Variants in ZMYM6 observed in about 807,000 individuals in gnomAD.
The protein encoded by ZMYM6 is zinc finger MYM-type protein 6.
A neutral mutation model predicts 134.0 loss-of-function variants in ZMYM6; 90 were observed. The observed-to-expected ratio is 0.67, with a 90% CI of 0.57 to 0.80. ZMYM6 has a LOEUF of 0.80. ZMYM6 is among the 30% of genes least tolerant of loss of function. The probability of loss-of-function intolerance (pLI) is 0.00; values close to 1 mark genes in which losing one functional copy is unlikely to be tolerated. For missense variants in ZMYM6, 1,362 were observed against 1,533.9 expected (o/e 0.89, Z 1.87); for synonymous variants, 481 against 524.1 (o/e 0.92, Z 1.12).
intron 10 of ZMYM6, 38 bp downstream of exon 10, chr1:35,010,406 TAAC>T (rs1641064528): frequency 6.3e-7 from 1 of 1,575,960 alleles, no homozygotes; most frequent in African/African-American, 1.4e-5. Context: ...TCATGAATTA[TAAC>T]AACCCATGCT....
intron 10 of ZMYM6, among the ~76,000 whole-genome samples, chr1:35,010,059 C>G (rs9330253): frequency 0.21 from 32,287 of 151,944 alleles, 8,137 homozygotes; most frequent in African/African-American, 0.6. Context: ...GCCCAGGCTG[C>G]AGTGCAATGG....
intron 3 of ZMYM6, among the ~76,000 whole-genome samples, chr1:35,019,941 A>G (rs2148458453): frequency 6.6e-6 from 1 of 152,256 alleles, no homozygotes; most frequent in East Asian, 1.9e-4. Flanking sequence ...AGTTGCTGAG[A>G]TTACAGGTGT....
Position 34,988,560 on chromosome 1 carries a change from G to A in ZMYM6, c.2522C>T (p.Ala841Val), listed in dbSNP as rs1384063666. 4 of 1,551,100 alleles carry A rather than the reference G, an allele frequency of 2.6e-6. No homozygotes were observed. In the African/African-American group the frequency reaches 4.1e-5, roughly 16 times the overall value. Reference sequence around the variant, plus strand: ...AGCAATGGAGAATGGCTTCTTGCTTGCAGCAGTTTGGAAAGCAATTAAATA... The same window carrying A: ...AGCAATGGAGAATGGCTTCTTGCTTACAGCAGTTTGGAAAGCAATTAAATA... The part of the protein sequence containing the change: ...ASYLIAFQTA[A>V]SKKPFSIAEE... The change falls in exon 16 of 16, where the codon GCA becomes GTA. Residue 841 changes from alanine (A) to valine (V), a missense_variant. Coordinates refer to ENST00000357182, the MANE Select transcript of ZMYM6 (RefSeq NM_007167.4).
intron 4 of ZMYM6, among the ~76,000 whole-genome samples, chr1:35,017,066 C>T (rs1368587280): frequency 1.3e-5 from 2 of 151,642 alleles, no homozygotes; most frequent in African/African-American, 4.8e-5. Context: ...TGCCACTTTA[C>T]AGATGAGGAA....
At chr1:35,022,363 C>T (rs7515734) in intron 2 of ZMYM6, among the ~76,000 whole-genome samples, 32,812 of 152,104 alleles carry the variant, frequency 0.22, 8,426 homozygotes, top group African/African-American at 0.61. Context: ...CTCTCCCTCC[C>T]GGGTTCAAGT....
Position 35,013,591 on chromosome 1 carries a change from A to G in ZMYM6, c.796-1010T>C, listed in dbSNP as rs528843582. 8.4e-5 allele frequency: 83 copies of G among 985,484 alleles called. No individual in the cohort carries two copies. In the African/African-American group the frequency reaches 9.1e-4, roughly 11 times the overall value. The allele number at this position is 985,484 out of a possible 1,614,324, so 61.0% of individuals were successfully genotyped here. On this transcript the variant is annotated intron_variant, in intron 6 of 15. Coordinates refer to ENST00000357182, the MANE Select transcript of ZMYM6 (RefSeq NM_007167.4). ...AGATTCTTTTCAGTGATGAATGTCC[A>G]TATGTCCATTACCAACTGCTCAAAG...
At chr1:35,003,747 A>G in intron 14 of ZMYM6, 1 of 486,410 alleles carries the variant, frequency 2.1e-6, no homozygotes, top group Non-Finnish European at 3.7e-6. Context: ...TATGAACAGC[A>G]ATCCACATTT....
chr1:35,006,636 A>C (rs1202617008), intron 12 of ZMYM6, among the ~76,000 whole-genome samples: 2 of 152,224 alleles, frequency 1.3e-5, no homozygotes, highest in Admixed American at 1.3e-4. Flanking sequence ...TTATTAACTA[A>C]ATAGTATATA....
chr1:35,027,950 G>A (rs898953736), intron 2 of ZMYM6, among the ~76,000 whole-genome samples: 1 of 152,098 alleles, frequency 6.6e-6, no homozygotes, highest in Non-Finnish European at 1.5e-5. Context: ...ACTCTTCTTA[G>A]CCCAGCACTC....
intron 2 of ZMYM6, among the ~76,000 whole-genome samples, chr1:35,028,797 C>T (rs1641462968): frequency 6.6e-6 from 1 of 152,086 alleles, no homozygotes; most frequent in Non-Finnish European, 1.5e-5. Flanking sequence ...CTGTGCCCAG[C>T]CTCCACATTG....
chr1:35,013,155 T>C, intron 6 of ZMYM6: 1 of 810,056 alleles, frequency 1.2e-6, no homozygotes, highest in Non-Finnish European at 1.5e-6. Context: ...ACTGAATGCT[T>C]ACCATGAGTC....
chr1:35,002,046 TA>T (rs1640890109), intron 14 of ZMYM6, among the ~76,000 whole-genome samples: 1 of 152,226 alleles, frequency 6.6e-6, no homozygotes, highest in Non-Finnish European at 1.5e-5. Context: ...TAATTGCTGC[TA>T]AAATATGGTC....
intron 15 of ZMYM6, chr1:34,990,250 G>A (rs1640648755): frequency 7.7e-6 from 2 of 259,532 alleles, no homozygotes; most frequent in East Asian, 1.2e-4. Context: ...GGAGGCTGAG[G>A]CGGGCACATC....
intron 14 of ZMYM6, among the ~76,000 whole-genome samples, chr1:34,995,049 CAT>C (rs1640754542): frequency 7.8e-6 from 1 of 127,800 alleles, no homozygotes; most frequent in Non-Finnish European, 1.6e-5. Flanking sequence ...TATATACTTA[CAT>C]ACGTATATAT....
intron 6 of ZMYM6, chr1:35,013,454 T>C (rs1258199906): frequency 6.1e-6 from 6 of 984,158 alleles, no homozygotes; most frequent in African/African-American, 1.7e-5. Flanking sequence ...AGTACAATAC[T>C]AGTAACAAAA....
chr1:35,029,035 A>C (rs1641468702), intron 2 of ZMYM6, among the ~76,000 whole-genome samples: 1 of 151,860 alleles, frequency 6.6e-6, no homozygotes, highest in Non-Finnish European at 1.5e-5. Context: ...TACTAAAAAT[A>C]CAAAAAATTA....
intron 14 of ZMYM6, among the ~76,000 whole-genome samples, chr1:34,992,590 T>A (rs1640696986): frequency 1.5e-5 from 2 of 133,930 alleles, no homozygotes; most frequent in Non-Finnish European, 3.0e-5. Flanking sequence ...TTACTGATTT[T>A]AAAAAACATT....
intron 15 of ZMYM6, 102 bp downstream of exon 15, chr1:34,992,132 C>T: frequency 1.4e-6 from 2 of 1,463,582 alleles, no homozygotes; most frequent in Non-Finnish European, 1.9e-6. Context: ...AATGTTTTCA[C>T]ATTTAAGACT....
intron 2 of ZMYM6, among the ~76,000 whole-genome samples, chr1:35,028,657 G>A (rs995752381): frequency 6.6e-5 from 10 of 151,202 alleles, no homozygotes; most frequent in African/African-American, 1.2e-4. Flanking sequence ...CCACCACCAC[G>A]CCCAGCTAAT....
Sources: allele counts gnomAD v4.1 joint callset (sites outside exome capture counted in the v4.1 genomes callset), GRCh38; gene constraint gnomAD v4.1.1; transcripts MANE v1.5; gene names NCBI Gene and HGNC (gene_info 2026-07-23, HGNC 2026-07-21).